The following EPM2A variants were observed in gnomAD, a reference collection of about 807,000 sequenced individuals.
The protein encoded by EPM2A is laforin.
A neutral mutation model predicts 26.5 loss-of-function variants in EPM2A; 21 were observed. The observed-to-expected ratio is 0.79, with a 90% CI of 0.56 to 1.14. EPM2A has a LOEUF of 1.14. Ranked by LOEUF, EPM2A falls within the 50% of genes most tolerant of loss-of-function variation. EPM2A has a pLI of 0.00. For synonymous variants in EPM2A, 217 were observed against 177.6 expected (o/e 1.22, Z -1.76); for missense variants, 458 against 440.8 (o/e 1.04, Z -0.35).
At chr6:145,563,313 T>C (rs1166460036) in intron 2 of EPM2A, among the ~76,000 whole-genome samples, 1 of 151,802 alleles carries the variant, frequency 6.6e-6, no homozygotes, top group African/African-American at 2.4e-5. Flanking sequence ...CAATGAGGCA[T>C]GTTAGTTGAG....
At chr6:145,718,454 A>C (rs955679490) in intron 1 of EPM2A, among the ~76,000 whole-genome samples, 12 of 151,926 alleles carry the variant, frequency 7.9e-5, no homozygotes, top group Admixed American at 7.9e-4. Context: ...CTTACACTTT[A>C]TACAAAAATC....
At chr6:145,484,820 A>T (rs1779652987) in intron 4 of EPM2A, among the ~76,000 whole-genome samples, 1 of 151,522 alleles carries the variant, frequency 6.6e-6, no homozygotes, top group African/African-American at 2.4e-5. Flanking sequence ...AATATCCCCA[A>T]GTCATGGCTG....
chr6:145,570,287 A>G (rs534796789), intron 2 of EPM2A, among the ~76,000 whole-genome samples: 1 of 152,292 alleles, frequency 6.6e-6, no homozygotes, highest in South Asian at 2.1e-4. Context: ...ACCCATATAC[A>G]TCTCCTGAGA....
At chr6:145,502,734 T>C (rs954590811) in intron 2 of EPM2A, among the ~76,000 whole-genome samples, 1 of 152,226 alleles carries the variant, frequency 6.6e-6, no homozygotes, top group African/African-American at 2.4e-5. Context: ...TAGAAGTGCT[T>C]AATAAAAGTC....
At chr6:145,551,466 T>G (rs997482172) in intron 2 of EPM2A, among the ~76,000 whole-genome samples, 22 of 151,878 alleles carry the variant, frequency 1.4e-4, no homozygotes, top group African/African-American at 5.3e-4. Context: ...GATACCTAAA[T>G]GACATTAAAG....
intron 2 of EPM2A, among the ~76,000 whole-genome samples, chr6:145,543,535 A>C (rs1327844658): frequency 1.3e-5 from 2 of 152,202 alleles, no homozygotes; most frequent in Non-Finnish European, 2.9e-5. Context: ...AAAAAAAATA[A>C]AGTTTACTGG....
chr6:145,725,132 A>T (rs1776135489), intron 1 of EPM2A, among the ~76,000 whole-genome samples: 1 of 133,074 alleles, frequency 7.5e-6, no homozygotes, highest in Admixed American at 8.5e-5. Flanking sequence ...CATGAATTTA[A>T]AAATGAAAAG....
chr6:145,552,117 G>A (rs1000460641), intron 2 of EPM2A, among the ~76,000 whole-genome samples: 1 of 151,700 alleles, frequency 6.6e-6, no homozygotes, highest in Non-Finnish European at 1.5e-5. Context: ...AGAAGATAGC[G>A]ACAAGGGCTA....
At chr6:145,735,671 A>T, upstream of EPM2A, 1 of 1,075,882 alleles carries the variant, frequency 9.3e-7, no homozygotes, top group Non-Finnish European at 1.1e-6. Context: ...TCCCGAGCCC[A>T]GACTTCGTCC....
At chr6:145,486,654 A>T (rs540993016) in intron 4 of EPM2A, among the ~76,000 whole-genome samples, 1 of 151,942 alleles carries the variant, frequency 6.6e-6, no homozygotes, top group South Asian at 2.1e-4. Context: ...TGCTATCTTT[A>T]TATATTTGAC....
chr6:145,451,928 G>A (rs528188730), intron 4 of EPM2A, among the ~76,000 whole-genome samples: 257 of 152,240 alleles, frequency 1.7e-3, no homozygotes, highest in Middle Eastern at 6.8e-3. Flanking sequence ...AAAAGCGTTG[G>A]GAGCTTCTGC....
chr6:145,438,850 C>T (rs967760381), intron 4 of EPM2A, among the ~76,000 whole-genome samples: 4 of 152,146 alleles, frequency 2.6e-5, no homozygotes, highest in Admixed American at 6.6e-5. Flanking sequence ...TAGAGGTAAA[C>T]TTGTGACTCA....
At chr6:145,600,064 G>A (rs904448607) in intron 2 of EPM2A, among the ~76,000 whole-genome samples, 4 of 151,882 alleles carry the variant, frequency 2.6e-5, no homozygotes, top group Non-Finnish European at 1.5e-5. Context: ...CTAATAATTG[G>A]CAACATCATT....
At chr6:145,525,721 T>C (rs1780262178) in intron 2 of EPM2A, among the ~76,000 whole-genome samples, 1 of 152,092 alleles carries the variant, frequency 6.6e-6, no homozygotes, top group African/African-American at 2.4e-5. Context: ...TTTCTAGGTA[T>C]GGAATAATAT....
At chr6:145,730,670 T>G (rs144085904) in intron 1 of EPM2A, among the ~76,000 whole-genome samples, 1 of 152,334 alleles carries the variant, frequency 6.6e-6, no homozygotes, top group Non-Finnish European at 1.5e-5. Flanking sequence ...TGAATTGATT[T>G]TTTTAAAATT....
At chr6:145,536,665 A>T (rs1445205649) in intron 2 of EPM2A, among the ~76,000 whole-genome samples, 1 of 152,204 alleles carries the variant, frequency 6.6e-6, no homozygotes, top group Non-Finnish European at 1.5e-5. Flanking sequence ...TGAAGCAGAC[A>T]CATTGGCCAA....
At chr6:145,562,454 C>T (rs1562383259) in intron 2 of EPM2A, among the ~76,000 whole-genome samples, 1 of 152,116 alleles carries the variant, frequency 6.6e-6, no homozygotes, top group Admixed American at 6.6e-5. Context: ...CATTGAGTAT[C>T]ATGCCAATTT....
chr6:145,552,905 G>C (rs1350319908), intron 2 of EPM2A, among the ~76,000 whole-genome samples: 2 of 152,074 alleles, frequency 1.3e-5, no homozygotes, highest in Non-Finnish European at 2.9e-5. Context: ...AATATAGCAT[G>C]TGCCAATTAT....
At chr6:145,489,960 A>T in intron 4 of EPM2A, 1 of 1,372,960 alleles carries the variant, frequency 7.3e-7, no homozygotes, top group Non-Finnish European at 1.0e-6. Context: ...CTGGAAGCAC[A>T]CTCGTGTGAA....
Sources: gnomAD v4.1 joint callset for allele counts (sites outside exome capture counted in the v4.1 genomes callset) on GRCh38, gnomAD v4.1.1 for gene constraint, MANE v1.5 for transcripts, NCBI Gene and HGNC (gene_info 2026-07-23, HGNC 2026-07-21) for gene names.